KANK1: variants seen among roughly 807,000 people sequenced by gnomAD.
KANK1 encodes KN motif and ankyrin repeat domain-containing protein 1.
KANK1 carries 109 observed loss-of-function variants against 106.2 expected under a neutral mutation model. That is an observed-to-expected ratio of 1.03 (90% CI 0.88 to 1.20). KANK1 has a LOEUF of 1.20. Among genes scored for constraint, KANK1 ranks in the 50% most tolerant of loss-of-function variants. The probability of loss-of-function intolerance (pLI) is 0.00; values close to 1 mark genes in which losing one functional copy is unlikely to be tolerated. For synonymous variants in KANK1, 873 were observed against 652.2 expected (o/e 1.34, Z -5.16); for missense variants, 2,399 against 1,710.7 (o/e 1.40, Z -7.10).
chr9:479,021 A>C (rs1347200793), intron 3 of KANK1, among the ~76,000 whole-genome samples: 1 of 151,224 alleles, frequency 6.6e-6, no homozygotes, highest in African/African-American at 2.4e-5. Context: ...GGGTTTCAGC[A>C]ATTCTCATGT....
chr9:740,487 C>G (rs1035330245), intron 8 of KANK1, among the ~76,000 whole-genome samples: 1 of 152,184 alleles, frequency 6.6e-6, no homozygotes, highest in Admixed American at 6.5e-5. Context: ...TTCTCAAGAG[C>G]AACCAGTAGA....
In KANK1 at chr9:576,723, T is replaced by C. The variant is rs557110494; in HGVS notation, c.-84+71969T>C. Among the ~76,000 whole-genome samples the C allele has an allele frequency of 3.3e-5, 5 of 152,262 alleles. No homozygotes were observed. The East Asian group carries it at 5.8e-4, about 18-fold the overall frequency. On this transcript the variant is annotated intron_variant, in intron 1 of 11. Coordinates refer to ENST00000382297, the MANE Select transcript of KANK1 (RefSeq NM_015158.5). ...GTGCTTCTTCCTGGAACAGTAATTT[T>C]ATTTCAGGTTTGTGGGAGAGGAAGA... is the stretch of plus-strand genomic sequence containing the variant.
At chr9:731,040 CACAT>C (rs1402476303) in intron 4 of KANK1, 114 bp from the exon 5 acceptor site, 1 of 481,702 alleles carries the variant, frequency 2.1e-6, no homozygotes, top group African/African-American at 2.0e-5. Flanking sequence ...GGAAACTTCT[CACAT>C]ATATATGCCA....
chr9:556,866 C>T (rs1195842254), intron 1 of KANK1, among the ~76,000 whole-genome samples: 2 of 152,146 alleles, frequency 1.3e-5, no homozygotes, highest in Non-Finnish European at 2.9e-5. Context: ...GCCTTAGTCC[C>T]AGTATGGTCT....
At chr9:684,425 A>G (rs958808069) in intron 2 of KANK1, 1 of 985,380 alleles carries the variant, frequency 1.0e-6, no homozygotes, top group Non-Finnish European at 1.2e-6. Flanking sequence ...CATACAAAAT[A>G]AACACCCAAC....
intron 1 of KANK1, among the ~76,000 whole-genome samples, chr9:632,763 C>T (rs563334987): frequency 1.8e-3 from 263 of 149,232 alleles, no homozygotes; most frequent in African/African-American, 6.2e-3. Context: ...GATCTCGGCT[C>T]ACTGCAGCCT....
At chr9:497,318 C>T (rs1031277235) in intron 3 of KANK1, among the ~76,000 whole-genome samples, 6 of 152,152 alleles carry the variant, frequency 3.9e-5, no homozygotes, top group African/African-American at 9.7e-5. Flanking sequence ...CCAAGGTTGG[C>T]GTTGGAAAGG....
At chr9:582,608 A>G (rs1822452757) in intron 1 of KANK1, among the ~76,000 whole-genome samples, 1 of 152,148 alleles carries the variant, frequency 6.6e-6, no homozygotes, top group South Asian at 2.1e-4. Context: ...CCATAGCACA[A>G]CCAATGCATT....
At chr9:502,073 T>C (rs925251367), upstream of KANK1, among the ~76,000 whole-genome samples, 2 of 152,152 alleles carry the variant, frequency 1.3e-5, no homozygotes, top group African/African-American at 4.8e-5. Flanking sequence ...TTGCAACTAT[T>C]ATGTTAAGTG....
intron 1 of KANK1, among the ~76,000 whole-genome samples, chr9:612,973 C>G (rs1007367322): frequency 4.0e-5 from 6 of 151,886 alleles, no homozygotes; most frequent in African/African-American, 1.5e-4. Context: ...GCAAATAACA[C>G]TAATGTGTTT....
intron 1 of KANK1, among the ~76,000 whole-genome samples, chr9:602,142 G>A (rs1563839920): frequency 6.6e-6 from 1 of 151,820 alleles, no homozygotes; most frequent in East Asian, 1.9e-4. Flanking sequence ...AACTTTTTGT[G>A]GAAAAATACT....
intron 1 of KANK1, among the ~76,000 whole-genome samples, chr9:571,282 A>C (rs1176511336): frequency 2.6e-5 from 4 of 152,132 alleles, no homozygotes; most frequent in Admixed American, 6.5e-5. Flanking sequence ...AACCAGAGGA[A>C]GCCTTTGCCA....
intron 1 of KANK1, among the ~76,000 whole-genome samples, chr9:572,150 A>ATT (rs35843652): frequency 0.47 from 51,938 of 110,560 alleles, 11,526 homozygotes; most frequent in South Asian, 0.62. Flanking sequence ...ATAAACAGTG[A>ATT]TTTTTTTTTT....
rs752238704 is a variant in KANK1, at chr9:710,952, C to A, written c.186C>A (p.Asn62Lys). 1 of 1,614,154 alleles carries A rather than the reference C, an allele frequency of 6.2e-7. No homozygotes were observed. ...IQKGNTIKRL[N>K]IQKRRKPSVP... The stretch of plus-strand genomic sequence containing the variant: ...AGGGAAATACCATCAAAAGACTGAA[C>A]ATCCAGAAGAGGCGGAAGCCGTCCG... Residue 62 changes from asparagine (N) to lysine (K), a missense_variant, in exon 3 of 12, where the codon AAC becomes AAA. Coordinates refer to ENST00000382297, the MANE Select transcript of KANK1 (RefSeq NM_015158.5).
At chr9:476,378 G>A (rs754168945) in intron 3 of KANK1, among the ~76,000 whole-genome samples, 10 of 151,942 alleles carry the variant, frequency 6.6e-5, no homozygotes, top group East Asian at 1.9e-4. Flanking sequence ...AACATTAGCC[G>A]AGCATGGTGG....
At chr9:564,958 A>G (rs1164197073) in intron 1 of KANK1, among the ~76,000 whole-genome samples, 1 of 152,228 alleles carries the variant, frequency 6.6e-6, no homozygotes, top group Non-Finnish European at 1.5e-5. Flanking sequence ...TGTTCAGGTA[A>G]CAAAGAGTGT....
Position 544,489 on chromosome 9 carries a change from G to A in KANK1, c.-84+39735G>A, listed in dbSNP as rs147639086. On this transcript the variant is annotated intron_variant, in intron 1 of 11. Transcript: ENST00000382297. ...TGATGAGCCATAACAAATTTGAGAT[G>A]AGCAATTAATAGATGGACCGGCCAA... Among the ~76,000 whole-genome samples the A allele has an allele frequency of 3.6e-3, 541 of 152,288 alleles. 2 individuals carry two copies. The highest frequency in any genetic ancestry group is 0.01 in the Middle Eastern group (3 of 294).
intron 1 of KANK1, among the ~76,000 whole-genome samples, chr9:589,252 T>C (rs12341500): frequency 0.045 from 6,772 of 152,018 alleles, 153 homozygotes; most frequent in Non-Finnish European, 0.055. Flanking sequence ...GAAATTGACT[T>C]GGAGGATTAA....
intron 1 of KANK1, among the ~76,000 whole-genome samples, chr9:589,901 G>A (rs1354505424): frequency 6.6e-6 from 1 of 152,288 alleles, no homozygotes; most frequent in East Asian, 1.9e-4. Context: ...AGATAAAAAC[G>A]TCTGGGCTCC....
Sources: allele counts gnomAD v4.1 joint callset (sites outside exome capture counted in the v4.1 genomes callset), GRCh38; gene constraint gnomAD v4.1.1; transcripts MANE v1.5; gene names NCBI Gene and HGNC (gene_info 2026-07-23, HGNC 2026-07-21).